The following CPNE4 variants were observed in gnomAD, a reference collection of about 807,000 sequenced individuals.
The protein encoded by CPNE4 is copine-4.
A neutral mutation model predicts 67.9 loss-of-function variants in CPNE4; 25 were observed. The observed-to-expected ratio is 0.37, with a 90% confidence interval of 0.27 to 0.51. CPNE4 has a LOEUF of 0.51. Among genes scored for constraint, CPNE4 ranks in the 20% least tolerant of loss-of-function variants. The pLI, the probability that CPNE4 is intolerant of heterozygous loss-of-function variation, is 0.93. For missense variants in CPNE4, 464 were observed against 690.8 expected, an observed-to-expected ratio of 0.67 and a Z score of 3.68; for synonymous variants, 242 against 244.9, an observed-to-expected ratio of 0.99 and a Z score of 0.11.
intron 2 of CPNE4, among the ~76,000 whole-genome samples, chr3:131,838,112 C>A (rs2085629414): frequency 6.6e-6 from 1 of 151,818 alleles, no homozygotes; most frequent in Admixed American, 6.6e-5. Context: ...AGTCTCTGTA[C>A]AATTTTTGCA....
At chr3:131,752,056 G>A (rs2082642913) in intron 2 of CPNE4, among the ~76,000 whole-genome samples, 1 of 152,112 alleles carries the variant, frequency 6.6e-6, no homozygotes, top group Non-Finnish European at 1.5e-5. Context: ...CAGCGACGTG[G>A]GGGAAGGATG....
At chr3:131,571,303 C>T (rs1228665819) in intron 10 of CPNE4, among the ~76,000 whole-genome samples, 2 of 151,944 alleles carry the variant, frequency 1.3e-5, no homozygotes, top group Non-Finnish European at 2.9e-5. Flanking sequence ...TCTACAATTC[C>T]TTGTCATCAG....
intron 2 of CPNE4, among the ~76,000 whole-genome samples, chr3:131,802,227 C>T (rs1330609801): frequency 6.6e-6 from 1 of 152,170 alleles, no homozygotes; most frequent in Non-Finnish European, 1.5e-5. Flanking sequence ...AAGTCAACCA[C>T]ATCTACTCCT....
In CPNE4 at chr3:131,676,269, G is replaced by A. The variant is rs1001944448; in HGVS notation, c.592-6505C>T. Among the ~76,000 whole-genome samples, 16 of 152,086 alleles carry A rather than the reference G, an allele frequency of 1.1e-4. No individual in the cohort carries two copies. The South Asian group carries it at 3.3e-3, about 32-fold the overall frequency. On this transcript the variant is annotated intron_variant, in intron 6 of 15. Coordinates refer to ENST00000429747, the MANE Select transcript of CPNE4 (RefSeq NM_130808.3). Reference sequence around the variant, plus strand: ...AGATGGGGTTTTACCATGTTGGCCAGGCTGGTGTCCAACTCCTGGTCTCAA... The same window carrying A: ...AGATGGGGTTTTACCATGTTGGCCAAGCTGGTGTCCAACTCCTGGTCTCAA...
intron 2 of CPNE4, among the ~76,000 whole-genome samples, chr3:131,764,361 G>A (rs189935376): frequency 8.0e-4 from 121 of 151,816 alleles, no homozygotes; most frequent in Middle Eastern, 3.4e-3. Context: ...GTTATTTTGG[G>A]GTGACATCTT....
At chr3:131,847,965 T>C (rs13086826) in intron 2 of CPNE4, among the ~76,000 whole-genome samples, 35,625 of 152,094 alleles carry the variant, frequency 0.23, 4,773 homozygotes, top group Middle Eastern at 0.34. Flanking sequence ...TGTGGCACCA[T>C]AGACTTATCT....
chr3:131,843,557 C>T (rs59639250), intron 2 of CPNE4, among the ~76,000 whole-genome samples: 3 of 152,182 alleles, frequency 2.0e-5, no homozygotes, highest in Non-Finnish European at 4.4e-5. Context: ...ACAGTGTCCA[C>T]GGTGAAAAGG....
At chr3:132,014,655 CTAAT>C (rs2073851096) in intron 1 of CPNE4, among the ~76,000 whole-genome samples, 1 of 152,102 alleles carries the variant, frequency 6.6e-6, no homozygotes, top group African/African-American at 2.4e-5. Flanking sequence ...AAAATGTAGT[CTAAT>C]TATAGTTTTA....
intron 8 of CPNE4, among the ~76,000 whole-genome samples, chr3:131,581,919 C>T (rs943993435): frequency 1.3e-5 from 2 of 152,164 alleles, no homozygotes; most frequent in African/African-American, 2.4e-5. Context: ...CTTGATTGCT[C>T]TATGTCTTGA....
chr3:131,613,154 T>C (rs1939946328), intron 7 of CPNE4, among the ~76,000 whole-genome samples: 1 of 152,184 alleles, frequency 6.6e-6, no homozygotes. Context: ...AGAGTACATC[T>C]GAGGCTGCTA....
At chr3:131,654,574 C>T (rs2079901227) in intron 7 of CPNE4, among the ~76,000 whole-genome samples, 1 of 152,114 alleles carries the variant, frequency 6.6e-6, no homozygotes, top group South Asian at 2.1e-4. Context: ...AAACATCTCC[C>T]AGGAGAAGCA....
intron 14 of CPNE4, among the ~76,000 whole-genome samples, chr3:131,547,126 G>T (rs558799147): frequency 6.6e-6 from 1 of 152,016 alleles, no homozygotes; most frequent in Non-Finnish European, 1.5e-5. Context: ...CAGGGCCCAC[G>T]CACTGGTGGA....
At chr3:131,920,228 G>A (rs573642923) in intron 1 of CPNE4, among the ~76,000 whole-genome samples, 29 of 152,020 alleles carry the variant, frequency 1.9e-4, no homozygotes, top group East Asian at 9.7e-4. Context: ...TTTCCTTCTC[G>A]TACTTTCAAG....
chr3:131,844,219 A>G (rs2085905795), intron 2 of CPNE4, among the ~76,000 whole-genome samples: 1 of 151,722 alleles, frequency 6.6e-6, no homozygotes, highest in African/African-American at 2.4e-5. Context: ...AGACAGGTAA[A>G]AGCACTCTTT....
intron 1 of CPNE4, among the ~76,000 whole-genome samples, chr3:131,981,555 C>T (rs1379738027): frequency 1.3e-5 from 2 of 152,212 alleles, no homozygotes; most frequent in Non-Finnish European, 2.9e-5. Context: ...GGTTCTTCCC[C>T]TGCCTGTGGA....
chr3:132,037,731 A>G, upstream of CPNE4: 1 of 780,786 alleles, frequency 1.3e-6, no homozygotes, highest in Non-Finnish European at 2.1e-6. Context: ...AGATAAGAGG[A>G]GGCATCCGCT....
chr3:131,996,843 CAG>C (rs58216568), intron 1 of CPNE4, among the ~76,000 whole-genome samples: 7,095 of 152,100 alleles, frequency 0.047, 501 homozygotes, highest in African/African-American at 0.16. Context: ...TGGAGCAGTC[CAG>C]AGTTTCAGGA....
intron 1 of CPNE4, among the ~76,000 whole-genome samples, chr3:132,016,722 C>T (rs1358172235): frequency 6.6e-6 from 1 of 152,200 alleles, no homozygotes; most frequent in Non-Finnish European, 1.5e-5. Context: ...CTCTCCTTCT[C>T]TATAAGTCTT....
intron 1 of CPNE4, among the ~76,000 whole-genome samples, chr3:131,959,362 G>T (rs2072098579): frequency 6.6e-6 from 1 of 151,930 alleles, no homozygotes; most frequent in Admixed American, 6.6e-5. Context: ...AAGGACCCCT[G>T]CATTCCCCAA....
Sources: gnomAD v4.1 joint callset for allele counts (sites outside exome capture counted in the v4.1 genomes callset) on GRCh38, gnomAD v4.1.1 for gene constraint, MANE v1.5 for transcripts, NCBI Gene and HGNC (gene_info 2026-07-23, HGNC 2026-07-21) for gene names.